The following NGEF variants were observed in gnomAD, a reference collection of about 807,000 sequenced individuals.
NGEF encodes the protein ephexin-1.
A neutral mutation model predicts 80.9 loss-of-function variants in NGEF; 31 were observed. That is an observed-to-expected ratio of 0.38 (90% confidence interval 0.29 to 0.52). The LOEUF is 0.52. NGEF is among the 20% of genes least tolerant of loss of function. The pLI is 0.84. For synonymous variants in NGEF, 371 were observed against 370.2 expected (o/e 1.00, Z -0.03); for missense variants, 709 against 926.2 (o/e 0.77, Z 3.04).
intron 1 of NGEF, among the ~76,000 whole-genome samples, chr2:233,002,706 G>C (rs1695006187): frequency 6.6e-6 from 1 of 152,164 alleles, no homozygotes; most frequent in African/African-American, 2.4e-5. Context: ...GAAAGCAATT[G>C]ATTGACGTTC....
At chr2:232,901,710 CCT>C (rs1189904896) in intron 5 of NGEF, among the ~76,000 whole-genome samples, 3 of 152,218 alleles carry the variant, frequency 2.0e-5, no homozygotes, top group Non-Finnish European at 4.4e-5. Context: ...CACCCCCAGT[CCT>C]GGGCATCAGG....
chr2:232,947,288 G>A (rs1383449238), intron 3 of NGEF, among the ~76,000 whole-genome samples: 4 of 152,122 alleles, frequency 2.6e-5, no homozygotes, highest in Non-Finnish European at 5.9e-5. Context: ...ATGCAGTCTC[G>A]CTGAAAATGT....
Position 232,964,539 on chromosome 2 carries a change from C to A in NGEF, c.383+5675G>T, listed in dbSNP as rs1385231254. Among the ~76,000 whole-genome samples, 4 of 152,214 alleles carry A rather than the reference C, an allele frequency of 2.6e-5. No homozygotes were observed. In the East Asian group the frequency reaches 7.7e-4, roughly 29 times the overall value. On this transcript the variant is annotated intron_variant, in intron 3 of 14. Transcript: ENST00000264051. ...GAAACACCTGTCTCTACTAAAAATA[C>A]AAAAATTAGCTGGGTGTAGTGACAG...
chr2:232,967,122 C>T (rs558366070), intron 3 of NGEF, among the ~76,000 whole-genome samples: 10 of 152,174 alleles, frequency 6.6e-5, no homozygotes, highest in East Asian at 3.9e-4. Flanking sequence ...GTGCTGTCTT[C>T]GTGATAGTGA....
At chr2:232,890,911 T>C (rs777261209) in intron 8 of NGEF, 7 of 471,464 alleles carry the variant, frequency 1.5e-5, no homozygotes, top group Middle Eastern at 3.2e-4. Context: ...CCGAGATCGC[T>C]GCTGGCCTTT....
chr2:232,898,660 A>G (rs1035649521), intron 5 of NGEF, among the ~76,000 whole-genome samples: 4 of 152,228 alleles, frequency 2.6e-5, no homozygotes, highest in Non-Finnish European at 4.4e-5. Flanking sequence ...CTCGCTCTTC[A>G]TTCATTCACT....
intron 8 of NGEF, 114 bp from the exon 9 acceptor site, chr2:232,888,221 TGC>T: frequency 7.1e-6 from 5 of 704,894 alleles, no homozygotes; most frequent in Non-Finnish European, 9.7e-6. Context: ...TGCTGCAGCA[TGC>T]ACACACACAC....
chr2:232,906,746 C>A (rs1490988428), intron 5 of NGEF, among the ~76,000 whole-genome samples: 52 of 150,700 alleles, frequency 3.5e-4, no homozygotes, highest in African/African-American at 1.1e-3. Flanking sequence ...GAAAAGGGGG[C>A]AAGGTGGGGA....
At chr2:232,934,044 C>A (rs1693275667) in intron 3 of NGEF, among the ~76,000 whole-genome samples, 1 of 152,032 alleles carries the variant, frequency 6.6e-6, no homozygotes, top group East Asian at 1.9e-4. Flanking sequence ...GAGATTGAGA[C>A]CATCCTGGCC....
chr2:232,920,546 T>G lies in NGEF; in HGVS notation c.566A>C (p.Gln189Pro). Residue 189 changes from glutamine to proline, a missense_variant, in exon 5 of 15, where the codon CAA becomes CCA. Gln to Pro is a moderately conservative substitution (Grantham distance 76, BLOSUM62 -1). Coordinates refer to ENST00000264051, the MANE Select transcript of NGEF (RefSeq NM_019850.3). ...YQEYRDKSTL[Q>P]EIETRRQQDA... ...CTGTTGCCTCCTGGTTTCGATTTCT[T>G]GGAGAGTCGATTTATCTCGGTATTC... 6.5e-7 allele frequency: 1 copy of G among 1,546,624 alleles called. No homozygotes were observed. The highest frequency in any genetic ancestry group is 8.7e-7 in the Non-Finnish European group (1 of 1,144,628).
At chr2:232,913,577 A>G (rs986950627) in intron 5 of NGEF, among the ~76,000 whole-genome samples, 2 of 152,190 alleles carry the variant, frequency 1.3e-5, no homozygotes, top group Non-Finnish European at 2.9e-5. Context: ...CCTTGACTGT[A>G]TATTGACTAT....
At chr2:232,920,244 G>C (rs757189808) in intron 5 of NGEF, 40 bp downstream of exon 5, 7 of 1,576,028 alleles carry the variant, frequency 4.4e-6, no homozygotes, top group Non-Finnish European at 6.0e-6. Context: ...GGCCACCCCG[G>C]TGTGCTGTGG....
chr2:232,967,290 T>G (rs1484140202), intron 3 of NGEF, among the ~76,000 whole-genome samples: 1 of 152,150 alleles, frequency 6.6e-6, no homozygotes, highest in East Asian at 1.9e-4. Context: ...CCATATTTCC[T>G]GTATAGCCTG....
At chr2:232,948,927 A>G (rs1693617764) in intron 3 of NGEF, among the ~76,000 whole-genome samples, 1 of 152,144 alleles carries the variant, frequency 6.6e-6, no homozygotes, top group South Asian at 2.1e-4. Context: ...CTGAGGCAGG[A>G]GAATCGCTTG....
chr2:232,971,418 C>T (rs1015730527), intron 2 of NGEF, among the ~76,000 whole-genome samples: 4 of 152,208 alleles, frequency 2.6e-5, no homozygotes, highest in Non-Finnish European at 1.5e-5. Flanking sequence ...GGCGCGGTGG[C>T]TCACGCCTGT....
In NGEF at chr2:232,983,310, G is replaced by A. The variant is rs534310074; in HGVS notation, c.-74-8346C>T. On this transcript the variant is annotated intron_variant, in intron 1 of 14. Coordinates refer to ENST00000264051, the MANE Select transcript of NGEF (RefSeq NM_019850.3). Reference sequence around the variant, plus strand: ...TACTACGCCGTGGCCACTTGGGGGCGTCGGCTTCGGGAGGTAGAGAGGAGG... The same window carrying A: ...TACTACGCCGTGGCCACTTGGGGGCATCGGCTTCGGGAGGTAGAGAGGAGG... Among the ~76,000 whole-genome samples the A allele has an allele frequency of 3.3e-5, 5 of 152,232 alleles. No individual in the cohort carries two copies. The South Asian group carries it at 1.0e-3, about 32-fold the overall frequency.
rs939144971 is a variant in NGEF, at chr2:232,898,772, T to C, written c.829-3856A>G. ...GGCTGTGAACACAGCAAGACTGGCT[T>C]CCCATGGCACTTTCGTCCCAGGGTA... On this transcript the variant is annotated intron_variant, in intron 5 of 14. Transcript: ENST00000264051. 3.9e-5 allele frequency among the ~76,000 whole-genome samples: 6 copies of C among 152,194 alleles called. No individual in the cohort carries two copies. In the South Asian group the frequency reaches 1.2e-3, roughly 31 times the overall value.
chr2:232,970,064 T>G (rs995610542), intron 3 of NGEF, 150 bp downstream of exon 3: 52 of 415,774 alleles, frequency 1.3e-4, no homozygotes, highest in Admixed American at 1.4e-4. Context: ...TTATGGAGTT[T>G]TTATTTATTT....
At chr2:232,949,180 T>A (rs1693625886) in intron 3 of NGEF, among the ~76,000 whole-genome samples, 1 of 152,254 alleles carries the variant, frequency 6.6e-6, no homozygotes, top group Admixed American at 6.5e-5. Context: ...AGCCAGGACC[T>A]GCCTGAATGT....
Sources: gnomAD v4.1 joint callset for allele counts (sites outside exome capture counted in the v4.1 genomes callset) on GRCh38, gnomAD v4.1.1 for gene constraint, MANE v1.5 for transcripts, NCBI Gene and HGNC (gene_info 2026-07-23, HGNC 2026-07-21) for gene names.